Variants in METTL25 observed in about 807,000 individuals in gnomAD.
METTL25 encodes the protein methyltransferase like 25.
In METTL25, 64 loss-of-function variants were observed where a neutral mutation model predicts 71.6. That is an observed-to-expected ratio of 0.89 (90% confidence interval 0.73 to 1.10). The LOEUF (loss-of-function observed/expected upper bound fraction) is 1.10. Among genes scored for constraint, METTL25 ranks in the 50% least tolerant of loss-of-function variants. The pLI, the probability that METTL25 is intolerant of heterozygous loss-of-function variation, is 0.00. For synonymous variants in METTL25, 287 were observed against 250.3 expected (o/e 1.15, Z -1.38); for missense variants, 807 against 707.0 (o/e 1.14, Z -1.60).
At chr12:82,463,801 A>G (rs1892056389) in intron 9 of METTL25, among the ~76,000 whole-genome samples, 1 of 151,748 alleles carries the variant, frequency 6.6e-6, no homozygotes, top group Non-Finnish European at 1.5e-5. Context: ...ATGATACCTC[A>G]TTGTGGTTCT....
chr12:82,442,020 A>G (rs1213638933), intron 8 of METTL25, among the ~76,000 whole-genome samples: 1 of 152,012 alleles, frequency 6.6e-6, no homozygotes, highest in Non-Finnish European at 1.5e-5. Context: ...TACCACTACC[A>G]CAGTGTCATA....
chr12:82,442,387 A>T (rs951984734), intron 8 of METTL25, among the ~76,000 whole-genome samples: 2 of 152,202 alleles, frequency 1.3e-5, no homozygotes, highest in Non-Finnish European at 1.5e-5. Context: ...GCCATGAAAT[A>T]CTAAGCAATA....
chr12:82,477,952 T>C (rs1400952125), intron 11 of METTL25, among the ~76,000 whole-genome samples: 1 of 151,888 alleles, frequency 6.6e-6, no homozygotes, highest in Non-Finnish European at 1.5e-5. Context: ...ATGTTTCCGC[T>C]ATAAACTCTT....
chr12:82,387,052 A>G (rs1885107102), intron 2 of METTL25, 85 bp downstream of exon 2: 1 of 1,111,450 alleles, frequency 9.0e-7, no homozygotes, highest in South Asian at 1.8e-5. Context: ...TTTCCAAAAT[A>G]TTATTAATTT....
At chr12:82,465,931 G>A (rs932085136) in intron 9 of METTL25, among the ~76,000 whole-genome samples, 2 of 147,710 alleles carry the variant, frequency 1.4e-5, no homozygotes, top group Non-Finnish European at 3.0e-5. Context: ...ATATTCTGTG[G>A]TATCTGTTGT....
rs747373480 is a variant in METTL25 at position 82,477,284 on chromosome 12, A to C, written c.1651A>C (p.Lys551Gln). ...CTATCTAATTTTTTTATTTTAGTTG[A>C]AAGTTGTACTGGCTCCCTGTATAGA... ...MNELEAFNML[K>Q]VVLAPCIETL... The change falls in exon 11 of 12, where the codon AAA (lysine) becomes CAA (glutamine). Residue 551 changes from lysine to glutamine, a missense_variant. Physicochemically the swap from Lys to Gln is moderately conservative, Grantham distance 53. Transcript: ENST00000248306. 3.9e-6 allele frequency: 6 copies of C among 1,525,042 alleles called. No individual in the cohort carries two copies. Among genetic ancestry groups the C allele is most frequent in the Non-Finnish European group, 4.4e-6 (5 of 1,130,682 alleles). The allele number at this position is 1,525,042 out of a possible 1,614,324, so 94.5% of individuals were successfully genotyped here.
At chr12:82,465,268 G>T (rs982811273) in intron 9 of METTL25, among the ~76,000 whole-genome samples, 1 of 151,760 alleles carries the variant, frequency 6.6e-6, no homozygotes, top group Non-Finnish European at 1.5e-5. Flanking sequence ...ATTATGTTGA[G>T]GTATGTTTCT....
intron 5 of METTL25, among the ~76,000 whole-genome samples, chr12:82,420,496 C>T (rs770442439): frequency 1.3e-5 from 2 of 151,848 alleles, no homozygotes; most frequent in African/African-American, 2.4e-5. Context: ...ATATCTGCAG[C>T]TTTTTATATG....
chr12:82,424,177 A>T (rs1483033460), intron 5 of METTL25, among the ~76,000 whole-genome samples: 1 of 152,214 alleles, frequency 6.6e-6, no homozygotes, highest in Non-Finnish European at 1.5e-5. Context: ...AAAATGTGGC[A>T]CATACACACC....
At chr12:82,397,456 T>C (rs903845538) in intron 3 of METTL25, among the ~76,000 whole-genome samples, 1 of 152,080 alleles carries the variant, frequency 6.6e-6, no homozygotes, top group Admixed American at 6.6e-5. Context: ...TTTAGTAAAG[T>C]CCATTTTTAA....
intron 1 of METTL25, among the ~76,000 whole-genome samples, chr12:82,382,703 T>G (rs1433723335): frequency 7.2e-5 from 11 of 152,198 alleles, no homozygotes; most frequent in Admixed American, 7.2e-4. Context: ...ATATGTAAAA[T>G]GACTTTTTAA....
intron 1 of METTL25, 50 bp from the exon 2 acceptor site, chr12:82,386,753 A>G (rs1268755886): frequency 7.0e-7 from 1 of 1,422,486 alleles, no homozygotes; most frequent in Non-Finnish European, 9.9e-7. Flanking sequence ...ATATCACACT[A>G]ATTAACCATT....
At chr12:82,400,378 A>G (rs1345266761) in intron 4 of METTL25, among the ~76,000 whole-genome samples, 1 of 151,804 alleles carries the variant, frequency 6.6e-6, no homozygotes, top group African/African-American at 2.4e-5. Flanking sequence ...AATAAAAGAG[A>G]TAGTAGAGTT....
At chr12:82,370,989 G>A (rs943169516) in intron 1 of METTL25, among the ~76,000 whole-genome samples, 8 of 152,212 alleles carry the variant, frequency 5.3e-5, no homozygotes, top group African/African-American at 1.7e-4. Flanking sequence ...TTCCCCCAGA[G>A]GTTAGGAACT....
chr12:82,385,059 A>G (rs2136935256), intron 1 of METTL25, among the ~76,000 whole-genome samples: 1 of 152,258 alleles, frequency 6.6e-6, no homozygotes. Flanking sequence ...TATCCATAGA[A>G]ATTTACATCA....
At chr12:82,434,831 G>C in intron 7 of METTL25, 107 bp downstream of exon 7, 1 of 909,938 alleles carries the variant, frequency 1.1e-6, no homozygotes, top group Non-Finnish European at 1.8e-6. Flanking sequence ...TAAATATCTT[G>C]TCCCAGATGC....
chr12:82,459,905 A>T (rs1891751915), intron 9 of METTL25: 1 of 152,188 alleles, frequency 6.6e-6, no homozygotes, highest in Admixed American at 6.5e-5. Flanking sequence ...TCTTTGGATA[A>T]CTTCCTCTAT....
At chr12:82,406,101 A>G (rs1326979960) in intron 5 of METTL25, among the ~76,000 whole-genome samples, 1 of 152,154 alleles carries the variant, frequency 6.6e-6, no homozygotes, top group Non-Finnish European at 1.5e-5. Context: ...GGAAAAATAG[A>G]TGACAAGCAG....
At chr12:82,403,410 G>T (rs1565834320) in intron 5 of METTL25, among the ~76,000 whole-genome samples, 10 of 152,092 alleles carry the variant, frequency 6.6e-5, no homozygotes, top group Admixed American at 5.9e-4. Flanking sequence ...ATATTTTAGA[G>T]AACTTCTGTT....
Sources: gnomAD v4.1 joint callset for allele counts (sites outside exome capture counted in the v4.1 genomes callset) on GRCh38, gnomAD v4.1.1 for gene constraint, MANE v1.5 for transcripts, NCBI Gene and HGNC (gene_info 2026-07-23, HGNC 2026-07-21) for gene names.